The following ABCC9 variants were observed in gnomAD, a reference collection of about 807,000 sequenced individuals.
The protein encoded by ABCC9 is ATP binding cassette subfamily C member 9.
ABCC9 carries 95 observed loss-of-function variants against 188.3 expected under a neutral mutation model. That is an observed-to-expected ratio of 0.50 (90% CI 0.43 to 0.60). The LOEUF (loss-of-function observed/expected upper bound fraction) is 0.60. ABCC9 is among the 20% of genes least tolerant of loss of function. The pLI, the probability that ABCC9 is intolerant of heterozygous loss-of-function variation, is 0.00. For synonymous variants in ABCC9, 659 were observed against 652.7 expected (o/e 1.01, Z -0.15); for missense variants, 1,102 against 1,876.3 (o/e 0.59, Z 7.62).
At chr12:21,850,789 G>A (rs971613368) in intron 24 of ABCC9, among the ~76,000 whole-genome samples, 7 of 152,116 alleles carry the variant, frequency 4.6e-5, no homozygotes, top group East Asian at 3.9e-4. Context: ...AGTTATCCCC[G>A]GTACGTTTAG....
intron 11 of ABCC9, 151 bp from the exon 12 acceptor site, chr12:21,906,439 T>A: frequency 1.4e-6 from 1 of 706,698 alleles, no homozygotes; most frequent in Non-Finnish European, 2.3e-6. Flanking sequence ...GAGAAGCAAT[T>A]AAACCCTTTG....
intron 3 of ABCC9, among the ~76,000 whole-genome samples, chr12:21,935,617 A>G (rs1393306040): frequency 2.6e-5 from 4 of 152,154 alleles, no homozygotes; most frequent in African/African-American, 9.7e-5. Flanking sequence ...TACATGAAAA[A>G]ATTGAACACA....
chr12:21,896,193 C>T (rs1029693783), intron 12 of ABCC9, among the ~76,000 whole-genome samples: 6 of 147,862 alleles, frequency 4.1e-5, no homozygotes, highest in Admixed American at 1.4e-4. Flanking sequence ...CATGCTGGTG[C>T]GCTGCAATCT....
chr12:21,876,529 A>G (rs1055941779), intron 16 of ABCC9, among the ~76,000 whole-genome samples: 5 of 152,230 alleles, frequency 3.3e-5, no homozygotes, highest in Non-Finnish European at 7.4e-5. Flanking sequence ...GTGAGGCAAC[A>G]TTGCTTGTGG....
chr12:21,911,819 T>C (rs1948338212), intron 8 of ABCC9, among the ~76,000 whole-genome samples: 1 of 152,000 alleles, frequency 6.6e-6, no homozygotes, highest in African/African-American at 2.4e-5. Flanking sequence ...CTGTGGAATT[T>C]AGATATCCGT....
chr12:21,852,390 T>C lies in ABCC9; in HGVS notation c.2621A>G (p.Gln874Arg), dbSNP rs1945014387. The C allele has an allele frequency of 6.2e-7, 1 of 1,614,000 alleles. No homozygotes were observed. The highest frequency in any genetic ancestry group is 8.5e-7 in the Non-Finnish European group (1 of 1,179,990). Residue 874 changes from glutamine to arginine, a missense_variant, in exon 23 of 40, where the codon CAG (glutamine) becomes CGG (arginine). By Grantham distance (43) the Gln-to-Arg change is conservative (BLOSUM62 1). This residue lies in a region of ABCC9 where 131 missense variants were observed against 170.2 expected (regional missense o/e 0.77). Transcript: ENST00000261200. ...RTLVLVTHKLQYLTHADWIIA... is the reference protein window; with the variant it reads ...RTLVLVTHKLRYLTHADWIIA... ...TACCCAGTCAGCATGCGTCAGATAC[T>C]GTAATTTGTGAGTCACAAGAACGAG...
In ABCC9 at chr12:21,844,552, C is replaced by A. The variant is rs1380107048; in HGVS notation, c.3246G>T (p.Arg1082Ser). The A allele has an allele frequency of 9.9e-6, 16 of 1,613,310 alleles. No homozygotes were observed. The highest frequency in any genetic ancestry group is 1.4e-5 in the Non-Finnish European group (16 of 1,179,436). Reference sequence around the variant, plus strand: ...GTCCCAGGGGTGTGGTATCAAAAAACCTAGGCAATAAACAGATGGAAGTAT... The same window carrying A: ...GTCCCAGGGGTGTGGTATCAAAAAAACTAGGCAATAAACAGATGGAAGTAT... ...LLNKIILGPI[R>S]FFDTTPLGLI... The change falls in exon 28 of 40, where the codon AGG becomes AGT. Residue 1082 changes from arginine (R) to serine (S), a missense_variant and splice_region_variant. Arg to Ser is a moderately radical substitution (Grantham distance 110, BLOSUM62 -1). This residue lies in a region of ABCC9 where 74 missense variants were observed against 132.7 expected (regional missense o/e 0.56). Coordinates refer to ENST00000261200, the MANE Select transcript of ABCC9 (RefSeq NM_020297.4).
chr12:21,811,218 T>G (rs937515166), intron 36 of ABCC9, among the ~76,000 whole-genome samples: 3 of 152,158 alleles, frequency 2.0e-5, no homozygotes, highest in African/African-American at 7.2e-5. Context: ...AAGATGTGCC[T>G]TGCTTCCCCT....
At chr12:21,891,790 C>A (rs1842030004) in intron 14 of ABCC9, among the ~76,000 whole-genome samples, 3 of 152,164 alleles carry the variant, frequency 2.0e-5, no homozygotes, top group African/African-American at 7.2e-5. Flanking sequence ...GAGGAGATTT[C>A]AAAATCAGCT....
rs961675266 is a variant in ABCC9 at position 21,906,352 on chromosome 12, T to C, written c.1456-64A>G. ...CAAGTGAATCAGAAAGGCAGAACCA[T>C]GTAATGGACAGGGATTGAGGAGACC... On this transcript the variant is annotated intron_variant, in intron 11 of 39. Transcript: ENST00000261200. The C allele has an allele frequency of 5.2e-5, 79 of 1,513,524 alleles. No homozygotes were observed. The Admixed American group carries it at 1.4e-3, about 27-fold the overall frequency. The allele number at this position is 1,513,524 out of a possible 1,614,324, so 93.8% of individuals were successfully genotyped here. A position where few individuals can be genotyped will look rare whatever the true frequency, so the allele number is the denominator to read the frequency against.
chr12:21,891,499 C>T (rs1022199575), intron 14 of ABCC9, among the ~76,000 whole-genome samples: 4 of 152,090 alleles, frequency 2.6e-5, no homozygotes, highest in African/African-American at 9.7e-5. Context: ...ACACCTGCCT[C>T]ATTCTTCCAT....
intron 35 of ABCC9, among the ~76,000 whole-genome samples, chr12:21,813,606 A>G (rs1942405646): frequency 6.6e-6 from 1 of 152,196 alleles, no homozygotes; most frequent in South Asian, 2.1e-4. Context: ...GTTTTAATGA[A>G]AAATGTCAGT....
intron 25 of ABCC9, among the ~76,000 whole-genome samples, chr12:21,847,716 A>G (rs1448402984): frequency 1.3e-5 from 2 of 152,126 alleles, no homozygotes; most frequent in Non-Finnish European, 2.9e-5. Flanking sequence ...TCATGGCTAT[A>G]TTGTCATGAA....
rs1943245097 is a variant in ABCC9 at position 21,824,432 on chromosome 12, G to C, written c.3669+4526C>G. On this transcript the variant is annotated intron_variant, in intron 31 of 39. Transcript: ENST00000261200. ...GGATTTTTGCAATGATGTTCATCAG[G>C]GATATTGGTCTGAAATTTTCCTTTT... is the stretch of plus-strand genomic sequence containing the variant. Among the ~76,000 whole-genome samples, 4 of 152,254 alleles carry C rather than the reference G, an allele frequency of 2.6e-5. No individual in the cohort carries two copies. In the South Asian group the frequency reaches 8.3e-4, roughly 32 times the overall value.
At chr12:21,856,407 A>G (rs1945226747) in intron 22 of ABCC9, among the ~76,000 whole-genome samples, 1 of 152,160 alleles carries the variant, frequency 6.6e-6, no homozygotes. Flanking sequence ...TATTCAATAA[A>G]TGTGCTTAAA....
At chr12:21,939,276 C>T (rs981479856) in intron 2 of ABCC9, among the ~76,000 whole-genome samples, 4 of 152,050 alleles carry the variant, frequency 2.6e-5, no homozygotes, top group African/African-American at 4.8e-5. Flanking sequence ...CTTTTGACTC[C>T]TCATTTATCC....
At chr12:21,937,670 C>A (rs1158220383) in intron 2 of ABCC9, among the ~76,000 whole-genome samples, 1 of 152,132 alleles carries the variant, frequency 6.6e-6, no homozygotes, top group Non-Finnish European at 1.5e-5. Flanking sequence ...TTTTATAATG[C>A]CTACTACTTA....
At chr12:21,887,369 A>G (rs1946932399) in intron 15 of ABCC9, among the ~76,000 whole-genome samples, 1 of 152,176 alleles carries the variant, frequency 6.6e-6, no homozygotes, top group African/African-American at 2.4e-5. Context: ...AAAAAGAGCT[A>G]GAAAATAAAA....
At chr12:21,925,527 T>C (rs781747119) in intron 5 of ABCC9, 5 of 702,474 alleles carry the variant, frequency 7.1e-6, no homozygotes, top group African/African-American at 7.0e-5. Context: ...AAAATGTCCT[T>C]GGACTCCAAG....
Sources: allele counts gnomAD v4.1 joint callset (sites outside exome capture counted in the v4.1 genomes callset), GRCh38; gene constraint gnomAD v4.1.1; regional missense constraint gnomAD v4.1.1; transcripts MANE v1.5; gene names NCBI Gene and HGNC (gene_info 2026-07-23, HGNC 2026-07-21).